Variants in ATG4C observed in about 807,000 individuals in gnomAD.
ATG4C encodes cysteine protease ATG4C.
ATG4C carries 56 observed loss-of-function variants against 57.6 expected under a neutral mutation model. The observed-to-expected ratio is 0.97, with a 90% confidence interval of 0.78 to 1.21. The LOEUF is 1.21. ATG4C is among the 50% of genes most tolerant of loss of function. The probability of loss-of-function intolerance (pLI) is 0.00; values close to 1 mark genes in which losing one functional copy is unlikely to be tolerated. For synonymous variants in ATG4C, 157 were observed against 174.1 expected (o/e 0.90, Z 0.78); for missense variants, 595 against 529.8 (o/e 1.12, Z -1.21).
chr1:62,849,702 G>C (rs1359189238), intron 10 of ATG4C, among the ~76,000 whole-genome samples: 1 of 151,950 alleles, frequency 6.6e-6, no homozygotes, highest in Non-Finnish European at 1.5e-5. Context: ...AGTAGAGCTG[G>C]TGTTTCACCA....
At chr1:62,854,807 G>A (rs1450127180) in intron 10 of ATG4C, among the ~76,000 whole-genome samples, 1 of 152,158 alleles carries the variant, frequency 6.6e-6, no homozygotes, top group Admixed American at 6.6e-5. Flanking sequence ...TTTCTCTGGA[G>A]TTGTTTCGTT....
At chr1:62,802,136 A>T (rs917678326) in intron 1 of ATG4C, among the ~76,000 whole-genome samples, 1 of 151,834 alleles carries the variant, frequency 6.6e-6, no homozygotes, top group Non-Finnish European at 1.5e-5. Context: ...GTTTAGTTTC[A>T]CACACCAAAG....
At chr1:62,854,534 C>T (rs1246433885) in intron 10 of ATG4C, among the ~76,000 whole-genome samples, 1 of 152,134 alleles carries the variant, frequency 6.6e-6, no homozygotes, top group Admixed American at 6.5e-5. Flanking sequence ...ACCTCGGCCT[C>T]CCAAAGTGCT....
chr1:62,830,213 A>G (rs927473597), intron 7 of ATG4C, among the ~76,000 whole-genome samples: 1 of 152,164 alleles, frequency 6.6e-6, no homozygotes, highest in Non-Finnish European at 1.5e-5. Flanking sequence ...TCAATGACAT[A>G]TTAATCTTCC....
chr1:62,835,434 A>G, intron 9 of ATG4C: 1 of 332,340 alleles, frequency 3.0e-6, no homozygotes, highest in South Asian at 2.6e-5. Flanking sequence ...GAGAATACAT[A>G]AATGAAACAT....
At chr1:62,809,530 AATGT>A (rs904946682) in intron 3 of ATG4C, among the ~76,000 whole-genome samples, 23 of 146,798 alleles carry the variant, frequency 1.6e-4, no homozygotes, top group African/African-American at 5.5e-4. Context: ...ATATAATTAT[AATGT>A]ATAATTATAT....
chr1:62,804,306 G>A (rs1408491454), intron 2 of ATG4C, among the ~76,000 whole-genome samples: 1 of 151,916 alleles, frequency 6.6e-6, no homozygotes, highest in Non-Finnish European at 1.5e-5. Context: ...TGGTCAGGCT[G>A]GTCTTGAACT....
intron 1 of ATG4C, among the ~76,000 whole-genome samples, chr1:62,798,888 C>A (rs1230968118): frequency 6.6e-6 from 1 of 152,098 alleles, no homozygotes; most frequent in African/African-American, 2.4e-5. Flanking sequence ...CGTGATCCAC[C>A]CACCTTGGCC....
intron 1 of ATG4C, among the ~76,000 whole-genome samples, chr1:62,798,912 G>A (rs2100288894): frequency 6.6e-6 from 1 of 152,144 alleles, no homozygotes; most frequent in South Asian, 2.1e-4. Context: ...TAAAGTGCTG[G>A]GATTATAGGC....
intron 6 of ATG4C, among the ~76,000 whole-genome samples, chr1:62,827,233 A>AT (rs1665691740): frequency 6.6e-6 from 1 of 152,102 alleles, no homozygotes; most frequent in East Asian, 1.9e-4. Flanking sequence ...TTCTAATCCC[A>AT]TTTTTGCTAC....
chr1:62,785,524 A>G (rs1302058562), intron 1 of ATG4C, among the ~76,000 whole-genome samples: 2 of 152,218 alleles, frequency 1.3e-5, no homozygotes, highest in East Asian at 3.8e-4. Context: ...GTGATTGGTT[A>G]TGAAGTATTT....
chr1:62,851,680 A>G (rs187283825), intron 10 of ATG4C, among the ~76,000 whole-genome samples: 96 of 152,348 alleles, frequency 6.3e-4, no homozygotes, highest in South Asian at 2.5e-3. Context: ...TGTATTTAAG[A>G]AAGATTGAGA....
chr1:62,853,568 T>C (rs1217794268), intron 10 of ATG4C, among the ~76,000 whole-genome samples: 1 of 152,138 alleles, frequency 6.6e-6, no homozygotes, highest in Non-Finnish European at 1.5e-5. Context: ...CACCTCAGCC[T>C]CCTGACTAGC....
intron 1 of ATG4C, among the ~76,000 whole-genome samples, chr1:62,793,618 A>AAAAAAAAAAC (rs1553221617): frequency 2.9e-5 from 3 of 104,054 alleles, no homozygotes; most frequent in Admixed American, 2.4e-4. Flanking sequence ...AAAAAAAAAA[A>AAAAAAAAAAC]AACCAAAAAA....
At chr1:62,860,191 ATGG>A (rs1666807628) in intron 10 of ATG4C, among the ~76,000 whole-genome samples, 1 of 152,170 alleles carries the variant, frequency 6.6e-6, no homozygotes, top group South Asian at 2.1e-4. Flanking sequence ...GTCTCCAGGG[ATGG>A]TAACACACAT....
At chr1:62,860,228 C>T (rs1286024984) in intron 10 of ATG4C, among the ~76,000 whole-genome samples, 3 of 152,198 alleles carry the variant, frequency 2.0e-5, no homozygotes, top group African/African-American at 7.2e-5. Flanking sequence ...CCTATGATAA[C>T]AGTGCCTTCT....
chr1:62,846,427 A>G lies in ATG4C; in HGVS notation c.1209+4880A>G, dbSNP rs147103323. On this transcript the variant is annotated intron_variant, in intron 10 of 10. Coordinates refer to ENST00000317868, the MANE Select transcript of ATG4C (RefSeq NM_032852.4). ...ATATCTTCTTTATCTTGATGATCTC[A>G]TGCAGTCATATAGCTTTAAATATCA... Among the ~76,000 whole-genome samples, 250 of 152,280 alleles carry G rather than the reference A, an allele frequency of 1.6e-3. 4 individuals are homozygous for G. The South Asian group carries it at 0.05, about 31-fold the overall frequency.
chr1:62,817,644 G>A (rs1665324822), intron 4 of ATG4C, among the ~76,000 whole-genome samples: 1 of 152,152 alleles, frequency 6.6e-6, no homozygotes, highest in African/African-American at 2.4e-5. Flanking sequence ...ACTGTGCCTG[G>A]CACTAGACAT....
At chr1:62,813,034 T>C (rs569872342) in intron 3 of ATG4C, among the ~76,000 whole-genome samples, 1 of 152,236 alleles carries the variant, frequency 6.6e-6, no homozygotes, top group Non-Finnish European at 1.5e-5. Flanking sequence ...ATCATGAAAA[T>C]GGCCATACTG....
Sources: gnomAD v4.1 joint callset for allele counts (sites outside exome capture counted in the v4.1 genomes callset) on GRCh38, gnomAD v4.1.1 for gene constraint, MANE v1.5 for transcripts, NCBI Gene and HGNC (gene_info 2026-07-23, HGNC 2026-07-21) for gene names.